Variants in PPP2R2A observed in about 807,000 individuals in gnomAD.
The protein encoded by PPP2R2A is protein phosphatase 2 regulatory subunit Balpha, also known as serine/threonine-protein phosphatase 2A 55 kDa regulatory subunit B alpha isoform.
Under a neutral mutation model 53.2 loss-of-function variants are expected in PPP2R2A, and 9 were observed. The observed-to-expected ratio is 0.17, with a 90% CI of 0.10 to 0.30. The LOEUF (loss-of-function observed/expected upper bound fraction) is 0.30. PPP2R2A is among the 10% of genes least tolerant of loss of function. The pLI is 1.00. For synonymous variants in PPP2R2A, 169 were observed against 174.2 expected, an observed-to-expected ratio of 0.97 and a Z score of 0.23; for missense variants, 235 against 534.6, an observed-to-expected ratio of 0.44 and a Z score of 5.53.
Position 26,338,998 on chromosome 8 carries a change from A to G in PPP2R2A, c.180+11A>G, listed in dbSNP as rs1226144901. 1 of 1,572,632 alleles carries G rather than the reference A, an allele frequency of 6.4e-7. No individual in the cohort carries two copies. The highest frequency in any genetic ancestry group is 2.2e-5 in the East Asian group (1 of 44,496). ...CAACAGGAGCAGGAGGTAAGTGTTT[A>G]AAGTTTATTGTCTAAATTTCAGTTT... On this transcript the variant is annotated intron_variant, in intron 3 of 9. Coordinates refer to ENST00000380737, the MANE Select transcript of PPP2R2A (RefSeq NM_002717.4). The surrounding 1 kb of genome is among the most constrained non-coding windows in gnomAD (Gnocchi z 4.5).
rs373454142 is a variant in PPP2R2A at position 26,369,381 on chromosome 8, T to C, written c.1065-753T>C. Reference sequence around the variant, plus strand: ...AGCTGGGACTACAGGCACGTGCCACTACACCCAGCTAATTTTTTTTTTTTT... The same window carrying C: ...AGCTGGGACTACAGGCACGTGCCACCACACCCAGCTAATTTTTTTTTTTTT... On this transcript the variant is annotated intron_variant, in intron 9 of 9. Coordinates refer to ENST00000380737, the MANE Select transcript of PPP2R2A (RefSeq NM_002717.4). Among the ~76,000 whole-genome samples the C allele has an allele frequency of 1.2e-4, 17 of 145,688 alleles. No individual in the cohort carries two copies. The East Asian group carries it at 1.3e-3, about 11-fold the overall frequency.
chr8:26,363,970 T>C, intron 8 of PPP2R2A, 80 bp downstream of exon 8: 1 of 1,307,012 alleles, frequency 7.7e-7, no homozygotes. Flanking sequence ...GTTACTAGGT[T>C]TTAATCCCTG....
intron 2 of PPP2R2A, among the ~76,000 whole-genome samples, chr8:26,314,358 G>A (rs1396576169): frequency 6.6e-6 from 1 of 152,202 alleles, no homozygotes; most frequent in African/African-American, 2.4e-5. Flanking sequence ...GTGCACAGCT[G>A]TTGTCCTGGG....
At chr8:26,320,820 A>C (rs1003971099) in intron 2 of PPP2R2A, among the ~76,000 whole-genome samples, 2 of 151,750 alleles carry the variant, frequency 1.3e-5, no homozygotes, top group Non-Finnish European at 2.9e-5. Flanking sequence ...GTGTAGATTA[A>C]AAATCTTTGT....
intron 2 of PPP2R2A, among the ~76,000 whole-genome samples, chr8:26,299,766 C>T (rs1167338255): frequency 1.1e-4 from 16 of 151,026 alleles, no homozygotes; most frequent in African/African-American, 1.7e-4. Flanking sequence ...TTGCCCAGGC[C>T]GTCTTCTGTG....
chr8:26,362,591 C>A lies in PPP2R2A; in HGVS notation c.638-93C>A. 1 of 1,174,284 alleles carries A rather than the reference C, an allele frequency of 8.5e-7. No homozygotes were observed. Among genetic ancestry groups the A allele is most frequent in the Non-Finnish European group, 1.2e-6 (1 of 834,034 alleles). 72.7% of individuals were successfully genotyped at this position (1,174,284 alleles called of 1,614,324 possible). On this transcript the variant is annotated intron_variant, in intron 6 of 9. Coordinates refer to ENST00000380737, the MANE Select transcript of PPP2R2A (RefSeq NM_002717.4). The surrounding 1 kb of genome is among the most constrained non-coding windows in gnomAD (Gnocchi z 4.4). The stretch of plus-strand genomic sequence containing the variant: ...GTGCAATTCAGAATTAATATTTTTG[C>A]TTAGGTCCATGAATGGGTTTTAGGT...
At chr8:26,298,096 C>T (rs577745877) in intron 2 of PPP2R2A, among the ~76,000 whole-genome samples, 1 of 152,176 alleles carries the variant, frequency 6.6e-6, no homozygotes, top group South Asian at 2.1e-4. Context: ...GAGTTGTGAT[C>T]GGGAAGGGCT....
At position 26,292,158 on chromosome 8, in the gene PPP2R2A, C is replaced by T. The variant is rs926484967; in HGVS notation, c.7+332C>T. 25 of 1,198,352 alleles carry T rather than the reference C, an allele frequency of 2.1e-5. No homozygotes were observed. The African/African-American group carries it at 2.4e-4, about 11-fold the overall frequency. The allele number at this position is 1,198,352 out of a possible 1,614,324, so 74.2% of individuals were successfully genotyped here. ...CGCTCGGGAGCCTGGTGGATCTTCT[C>T]CCACCTCCCCACCTTGCCCCCCGCC... is the stretch of plus-strand genomic sequence containing the variant. On this transcript the variant is annotated intron_variant, in intron 1 of 9. Transcript: ENST00000380737.
chr8:26,335,214 A>G (rs755480685), intron 2 of PPP2R2A, among the ~76,000 whole-genome samples: 12 of 152,150 alleles, frequency 7.9e-5, no homozygotes, highest in Non-Finnish European at 7.3e-5. Flanking sequence ...ATTTGAATTC[A>G]TTCTCCCTTC....
chr8:26,358,376 G>A (rs115620879), intron 4 of PPP2R2A, among the ~76,000 whole-genome samples: 2,132 of 152,162 alleles, frequency 0.014, 43 homozygotes, highest in African/African-American at 0.049. Context: ...ATTTAGGCTA[G>A]GCTCATATCT....
intron 2 of PPP2R2A, among the ~76,000 whole-genome samples, chr8:26,325,283 C>T (rs528880001): frequency 3.9e-5 from 6 of 152,018 alleles, no homozygotes; most frequent in South Asian, 2.1e-4. Flanking sequence ...GTGCTATTCT[C>T]GTGATAGTAA....
intron 2 of PPP2R2A, among the ~76,000 whole-genome samples, chr8:26,304,059 C>G (rs1196745489): frequency 6.6e-6 from 1 of 152,198 alleles, no homozygotes; most frequent in East Asian, 1.9e-4. Flanking sequence ...AACTTCTGCT[C>G]TAATCTTGAG....
rs1266179550 is a variant in PPP2R2A, at chr8:26,293,731, G to A, written c.73G>A (p.Val25Ile). 2.5e-6 allele frequency: 4 copies of A among 1,613,540 alleles called. No homozygotes were observed. The African/African-American group carries it at 5.3e-5, about 22-fold the overall frequency. ...GGTGAAAGGAGCAGTAGATGATGATGTAGCAGAAGGTAAGAAAGCGTTTAA... is the reference window on the plus strand; with the variant it reads ...GGTGAAAGGAGCAGTAGATGATGATATAGCAGAAGGTAAGAAAGCGTTTAA... ...SQVKGAVDDD[V>I]AEADIISTVE... The change falls in exon 2 of 10, where the codon GTA becomes ATA. Residue 25 changes from valine (V) to isoleucine (I), a missense_variant. Val to Ile is a conservative substitution (Grantham distance 29). Around this residue, in one of 3 missense-constraint regions of PPP2R2A, gnomAD observed 51 missense variants for 80.6 expected, o/e 0.63. Coordinates refer to ENST00000380737, the MANE Select transcript of PPP2R2A (RefSeq NM_002717.4).
chr8:26,293,797 A>C, intron 2 of PPP2R2A, 57 bp downstream of exon 2: 1 of 1,499,672 alleles, frequency 6.7e-7, no homozygotes, highest in Non-Finnish European at 9.3e-7. Context: ...AATGTTTCCT[A>C]CTGGAGGATT....
chr8:26,339,060 C>A, intron 3 of PPP2R2A, 73 bp downstream of exon 3: 1 of 1,114,864 alleles, frequency 9.0e-7, no homozygotes, highest in Non-Finnish European at 1.3e-6. Flanking sequence ...ACTGGAGAAT[C>A]TCATCAGAGG....
At chr8:26,352,442 T>TA (rs372979703) in intron 3 of PPP2R2A, among the ~76,000 whole-genome samples, 41 of 152,358 alleles carry the variant, frequency 2.7e-4, no homozygotes, top group African/African-American at 8.9e-4. Flanking sequence ...TCAGTTTTGT[T>TA]ACTGCTGCTG....
chr8:26,293,268 C>T (rs1432471435), intron 1 of PPP2R2A: 3 of 1,535,216 alleles, frequency 2.0e-6, no homozygotes, highest in South Asian at 1.2e-5. Context: ...GTTTTCTCTT[C>T]GTTCTATGTT....
chr8:26,296,677 C>T (rs1475277170), intron 2 of PPP2R2A, among the ~76,000 whole-genome samples: 1 of 152,138 alleles, frequency 6.6e-6, no homozygotes, highest in African/African-American at 2.4e-5. Context: ...GCTGCTCTGT[C>T]TAGAACAGTG....
intron 2 of PPP2R2A, chr8:26,333,459 C>G: frequency 8.0e-6 from 9 of 1,129,744 alleles, no homozygotes; most frequent in Non-Finnish European, 1.0e-5. Flanking sequence ...TTATAACCCT[C>G]TTTGCACTTT....
Sources: allele counts gnomAD v4.1 joint callset (sites outside exome capture counted in the v4.1 genomes callset), GRCh38; gene constraint gnomAD v4.1.1; regional missense constraint gnomAD v4.1.1; non-coding constraint Gnocchi (gnomAD v3.1); transcripts MANE v1.5; gene names NCBI Gene and HGNC (gene_info 2026-07-23, HGNC 2026-07-21).